The following FAM184B variants were observed in gnomAD, a reference collection of about 807,000 sequenced individuals.
The protein encoded by FAM184B is protein FAM184B.
A neutral mutation model predicts 135.9 loss-of-function variants in FAM184B; 111 were observed. The observed-to-expected ratio is 0.82, with a 90% confidence interval of 0.70 to 0.96. The LOEUF (loss-of-function observed/expected upper bound fraction) is 0.96, where lower values mean the gene tolerates loss of function less well. FAM184B is among the 40% of genes least tolerant of loss of function. FAM184B has a pLI of 0.00. For missense variants in FAM184B, 1,375 were observed against 1,323.9 expected, an observed-to-expected ratio of 1.04 and a Z score of -0.60; for synonymous variants, 552 against 524.8, an observed-to-expected ratio of 1.05 and a Z score of -0.71.
chr4:17,693,611 G>A (rs1192656244), intron 5 of FAM184B, among the ~76,000 whole-genome samples, 199 bp from the exon 6 acceptor site: 2 of 152,166 alleles, frequency 1.3e-5, no homozygotes, highest in Non-Finnish European at 2.9e-5. Flanking sequence ...GATATATATA[G>A]GGGTGGGGCG....
chr4:17,650,307 TAAG>T (rs1358876541), intron 11 of FAM184B, among the ~76,000 whole-genome samples: 1 of 152,074 alleles, frequency 6.6e-6, no homozygotes, highest in South Asian at 2.1e-4. Flanking sequence ...CACACAGATA[TAAG>T]AAGAAGAATA....
intron 12 of FAM184B, among the ~76,000 whole-genome samples, chr4:17,645,188 A>T (rs1194134947): frequency 1.3e-5 from 2 of 152,232 alleles, no homozygotes. Context: ...TGCCATCCCC[A>T]TCGAGCTACC....
chr4:17,633,218 G>A (rs114266566), intron 17 of FAM184B: 2,480 of 154,316 alleles, frequency 0.016, 79 homozygotes, highest in African/African-American at 0.057. Context: ...CACCAAGCCC[G>A]GCCCGATTAA....
intron 13 of FAM184B, among the ~76,000 whole-genome samples, chr4:17,640,041 A>G (rs995541644): frequency 6.6e-6 from 1 of 150,910 alleles, no homozygotes; most frequent in Non-Finnish European, 1.5e-5. Flanking sequence ...CATGTTGGCC[A>G]GGCTAGTCTC....
At chr4:17,652,248 C>T in intron 11 of FAM184B, among the ~76,000 whole-genome samples, 1 of 151,520 alleles carries the variant, frequency 6.6e-6, no homozygotes, top group Non-Finnish European at 1.5e-5. Flanking sequence ...CCTCAGCCTC[C>T]CGAATAGCTG....
At chr4:17,660,955 AGGCCCAGGCTG>A (rs1715904778) in intron 8 of FAM184B, among the ~76,000 whole-genome samples, 1 of 152,070 alleles carries the variant, frequency 6.6e-6, no homozygotes, top group African/African-American at 2.4e-5. Context: ...AGAGGTGAGA[AGGCCCAGGCTG>A]GGGGGTTAAG....
chr4:17,648,498 CCA>C (rs919480849), intron 11 of FAM184B, among the ~76,000 whole-genome samples: 6 of 146,456 alleles, frequency 4.1e-5, no homozygotes, highest in African/African-American at 1.5e-4. Context: ...GCAAGCACCA[CCA>C]CACCTGGCTA....
intron 1 of FAM184B, among the ~76,000 whole-genome samples, chr4:17,755,299 T>C (rs1327924421): frequency 3.9e-5 from 6 of 151,902 alleles, no homozygotes; most frequent in African/African-American, 1.5e-4. Flanking sequence ...CCAGCAAACA[T>C]TGAAAAAAAA....
intron 1 of FAM184B, among the ~76,000 whole-genome samples, chr4:17,766,968 G>A (rs1480143026): frequency 6.6e-6 from 1 of 152,202 alleles, no homozygotes; most frequent in Non-Finnish European, 1.5e-5. Flanking sequence ...AGGCACCTGA[G>A]GCCCAGCGAG....
chr4:17,664,556 C>T lies in FAM184B; in HGVS notation c.1694+6G>A. The T allele has an allele frequency of 2.6e-6, 4 of 1,549,044 alleles. No homozygotes were observed. The highest frequency in any genetic ancestry group is 2.6e-6 in the Non-Finnish European group (3 of 1,144,834). On this transcript the variant is annotated splice_donor_region_variant and intron_variant, in intron 8 of 17. Coordinates refer to ENST00000265018, the MANE Select transcript of FAM184B (RefSeq NM_015688.2). ...AGCACTCAGAAGTCTGCATGTCCTC[C>T]TGTACCTTTCTTCTTCATCACTGCT...
intron 7 of FAM184B, among the ~76,000 whole-genome samples, chr4:17,672,949 G>A (rs777050963): frequency 2.0e-5 from 3 of 151,986 alleles, no homozygotes; most frequent in African/African-American, 7.2e-5. Flanking sequence ...GTGTCAATAG[G>A]GTTGGTACCA....
chr4:17,754,632 G>A (rs1718380738), intron 1 of FAM184B, among the ~76,000 whole-genome samples: 1 of 151,392 alleles, frequency 6.6e-6, no homozygotes, highest in African/African-American at 2.4e-5. Flanking sequence ...CACATCCTGG[G>A]TGGAATAGAA....
chr4:17,668,108 C>T (rs1214285063), intron 7 of FAM184B, among the ~76,000 whole-genome samples: 3 of 152,172 alleles, frequency 2.0e-5, no homozygotes, highest in Non-Finnish European at 4.4e-5. Flanking sequence ...AAAGGTGGAG[C>T]CTTGTTGGCT....
rs1717183782 is a variant in FAM184B, at chr4:17,708,966, C to T, written c.820G>A (p.Gly274Arg). ...TTGCGGCCTCTGTGCTCCAGGTCTC[C>T]TTCCAGCTTCCGGACCTGAGCCTGC... Reference protein sequence around the residue: ...ALQAQVRKLEGDLEHRGRKIS... With the variant: ...ALQAQVRKLERDLEHRGRKIS... The change falls in exon 2 of 18, where the codon GGA becomes AGA. Residue 274 changes from glycine to arginine, a missense_variant. Gly to Arg is a moderately radical substitution (Grantham distance 125). Coordinates refer to ENST00000265018, the MANE Select transcript of FAM184B (RefSeq NM_015688.2). The T allele has an allele frequency of 1.3e-6, 2 of 1,550,614 alleles. No individual in the cohort carries two copies. Among genetic ancestry groups the T allele is most frequent in the Non-Finnish European group, 8.7e-7 (1 of 1,146,744 alleles).
At chr4:17,645,498 T>C (rs1715441726) in intron 12 of FAM184B, among the ~76,000 whole-genome samples, 1 of 152,166 alleles carries the variant, frequency 6.6e-6, no homozygotes, top group Non-Finnish European at 1.5e-5. Context: ...ATTTAATAAA[T>C]GGTGCTGGGA....
chr4:17,716,065 G>A (rs1444972543), intron 1 of FAM184B, among the ~76,000 whole-genome samples: 6 of 152,272 alleles, frequency 3.9e-5, no homozygotes, highest in Non-Finnish European at 8.8e-5. Flanking sequence ...GCCTCAGAAA[G>A]AGATGCAAGA....
chr4:17,655,181 T>A lies in FAM184B; in HGVS notation c.2038-2198A>T, dbSNP rs572318929. Reference sequence around the variant, plus strand: ...TTAATAAAACAGAAAAGGCTCATACTTTTCAAATTCTCTGATACCTTCCTC... The same window carrying A: ...TTAATAAAACAGAAAAGGCTCATACATTTCAAATTCTCTGATACCTTCCTC... On this transcript the variant is annotated intron_variant, in intron 10 of 17. Transcript: ENST00000265018. 5.3e-5 allele frequency among the ~76,000 whole-genome samples: 8 copies of A among 152,310 alleles called. 1 individual carries two copies. The highest frequency in any genetic ancestry group is 2.1e-4 in the South Asian group (1 of 4,822).
intron 1 of FAM184B, among the ~76,000 whole-genome samples, chr4:17,733,716 G>A (rs1238108386): frequency 6.6e-6 from 1 of 152,104 alleles, no homozygotes; most frequent in African/African-American, 2.4e-5. Flanking sequence ...CATGCTCATG[G>A]GTAGGAAGAA....
chr4:17,695,333 A>T lies in FAM184B; in HGVS notation c.1378-1921T>A, dbSNP rs1315134716. 3.3e-5 allele frequency among the ~76,000 whole-genome samples: 5 copies of T among 151,794 alleles called. No individual in the cohort carries two copies. The East Asian group carries it at 5.8e-4, about 18-fold the overall frequency. On this transcript the variant is annotated intron_variant, in intron 5 of 17. Coordinates refer to ENST00000265018, the MANE Select transcript of FAM184B (RefSeq NM_015688.2). ...GCATGCCACCATGCCCAGCTAATTT[A>T]AAAAAAAATTTTTTTAGAGATGGGG... is the stretch of plus-strand genomic sequence containing the variant.
Sources: allele counts gnomAD v4.1 joint callset (sites outside exome capture counted in the v4.1 genomes callset), GRCh38; gene constraint gnomAD v4.1.1; transcripts MANE v1.5; gene names NCBI Gene and HGNC (gene_info 2026-07-23, HGNC 2026-07-21).